ANKRD11: variants seen among roughly 807,000 people sequenced by gnomAD.
ANKRD11 encodes ankyrin repeat domain-containing protein 11.
In ANKRD11, 17 loss-of-function variants were observed where a neutral mutation model predicts 195.7. The observed-to-expected ratio is 0.09, with a 90% CI of 0.06 to 0.13. The LOEUF (loss-of-function observed/expected upper bound fraction) is 0.13, where lower values mean the gene tolerates loss of function less well. Among genes scored for constraint, ANKRD11 ranks in the 10% least tolerant of loss-of-function variants. ANKRD11 has a pLI of 1.00. For synonymous variants in ANKRD11, 1,953 were observed against 1,528.1 expected, an observed-to-expected ratio of 1.28 and a Z score of -6.49; for missense variants, 3,735 against 3,566.1, an observed-to-expected ratio of 1.05 and a Z score of -1.21.
chr16:89,302,796 C>T (rs2035937045), intron 4 of ANKRD11, among the ~76,000 whole-genome samples: 1 of 152,186 alleles, frequency 6.6e-6, no homozygotes, highest in African/African-American at 2.4e-5. Flanking sequence ...ACTGTTTTCC[C>T]ACCTCACAGG....
At position 89,290,648 on chromosome 16, in the gene ANKRD11, T is replaced by C. The variant is rs1399751146; in HGVS notation, c.578A>G (p.Asp193Gly). Residue 193 changes from aspartate to glycine, a missense_variant, in exon 6 of 13, where the codon GAC (aspartate) becomes GGC (glycine). Transcript: ENST00000301030. ...RIKELISEGA[D>G]VNVKDFAGWT... ...ACCTGCGAAGTCCTTGACGTTGACG[T>C]CTGCCCCCTCGCTGATGAGCTCTTT... 1 of 1,613,544 alleles carries C rather than the reference T, an allele frequency of 6.2e-7. No homozygotes were observed. The highest frequency in any genetic ancestry group is 8.5e-7 in the Non-Finnish European group (1 of 1,180,008).
chr16:89,348,448 C>G (rs2039047438), intron 2 of ANKRD11, among the ~76,000 whole-genome samples: 1 of 152,152 alleles, frequency 6.6e-6, no homozygotes, highest in Non-Finnish European at 1.5e-5. Context: ...ATTTTGGTAT[C>G]AAGGTGTCCC....
rs2057790879 is a variant in ANKRD11 at position 89,490,415 on chromosome 16, C to T, written c.-315G>A. 6.8e-6 allele frequency: 2 copies of T among 293,516 alleles called. No individual in the cohort carries two copies. The highest frequency in any genetic ancestry group is 5.3e-5 in the Admixed American group (1 of 19,006). 18.2% of individuals were successfully genotyped at this position (293,516 alleles called of 1,614,324 possible). On this transcript the variant is annotated 5_prime_UTR_variant, in exon 1 of 13. Coordinates refer to ENST00000301030, the MANE Select transcript of ANKRD11 (RefSeq NM_013275.6). ...CTGCGAGGGACGGCGGGAGGCGAGCCCGCCCCTCGGGCGCGCCCACGGCTC... is the reference window on the plus strand; with the variant it reads ...CTGCGAGGGACGGCGGGAGGCGAGCTCGCCCCTCGGGCGCGCCCACGGCTC...
intron 4 of ANKRD11, chr16:89,301,539 T>C: frequency 2.5e-6 from 1 of 398,642 alleles, no homozygotes; most frequent in Non-Finnish European, 4.4e-6. Context: ...TGGGCAGAGC[T>C]GTCTTGGGGC....
At chr16:89,359,972 G>C (rs139336512) in intron 2 of ANKRD11, among the ~76,000 whole-genome samples, 23 of 152,122 alleles carry the variant, frequency 1.5e-4, no homozygotes, top group Admixed American at 1.0e-3. Context: ...CAGTGGGCGG[G>C]GGGGGAGGTT....
chr16:89,409,155 T>A (rs2042021551), intron 2 of ANKRD11, among the ~76,000 whole-genome samples: 1 of 152,162 alleles, frequency 6.6e-6, no homozygotes, highest in Non-Finnish European at 1.5e-5. Flanking sequence ...AAAACAGATT[T>A]TTTAGGTGAA....
intron 11 of ANKRD11, chr16:89,272,548 A>T (rs1341377912): frequency 1.3e-5 from 2 of 152,176 alleles, no homozygotes; most frequent in Non-Finnish European, 2.9e-5. Context: ...CTAAAAATAC[A>T]AAAATTAGCC....
intron 2 of ANKRD11, among the ~76,000 whole-genome samples, chr16:89,376,272 G>A (rs2040419909): frequency 6.6e-6 from 1 of 152,206 alleles, no homozygotes; most frequent in African/African-American, 2.4e-5. Context: ...GAAGCAGCTG[G>A]AGAAGTGGAT....
At chr16:89,480,849 G>A (rs1049228365) in intron 1 of ANKRD11, among the ~76,000 whole-genome samples, 2 of 152,170 alleles carry the variant, frequency 1.3e-5, no homozygotes, top group African/African-American at 4.8e-5. Context: ...ACAAGGCTCC[G>A]TCCTGGGCTG....
intron 2 of ANKRD11, among the ~76,000 whole-genome samples, chr16:89,388,462 C>G (rs1369063586): frequency 2.0e-5 from 3 of 151,964 alleles, no homozygotes. Context: ...TCTTGAAAAT[C>G]GACACGGAAT....
At chr16:89,324,218 C>T in intron 2 of ANKRD11, 1 of 1,195,216 alleles carries the variant, frequency 8.4e-7, no homozygotes, top group Non-Finnish European at 1.1e-6. Flanking sequence ...CATTACTGGC[C>T]TCTGCTTTGC....
rs1458119570 is a variant in ANKRD11, at chr16:89,288,632, A to C, written c.640T>G (p.Tyr214Asp). The change falls in exon 7 of 13, where the codon TAC becomes GAC. Residue 214 changes from tyrosine (Y) to aspartate (D), a missense_variant. Physicochemically the swap from Tyr to Asp is radical, Grantham distance 160. Coordinates refer to ENST00000301030, the MANE Select transcript of ANKRD11 (RefSeq NM_013275.6). ...GCCAGCAGCTGCTTCGCGACGTCGT[A>C]GTAGCCCCGGTTACAGGCCTCGTGC... Reference protein sequence around the residue: ...ALHEACNRGYYDVAKQLLAAG... With the variant: ...ALHEACNRGYDDVAKQLLAAG... 3.7e-6 allele frequency: 6 copies of C among 1,614,108 alleles called. No homozygotes were observed. The highest frequency in any genetic ancestry group is 5.1e-6 in the Non-Finnish European group (6 of 1,180,032).
At chr16:89,326,878 C>G (rs936739759) in intron 2 of ANKRD11, among the ~76,000 whole-genome samples, 2 of 152,224 alleles carry the variant, frequency 1.3e-5, no homozygotes, top group East Asian at 1.9e-4. Context: ...TGGTGGCATC[C>G]GGGCACATCT....
intron 2 of ANKRD11, among the ~76,000 whole-genome samples, chr16:89,357,185 C>T (rs1448864474): frequency 2.6e-5 from 4 of 152,196 alleles, no homozygotes; most frequent in Admixed American, 2.6e-4. Flanking sequence ...TACAACACAC[C>T]TTCGAAGATG....
intron 2 of ANKRD11, among the ~76,000 whole-genome samples, chr16:89,351,048 C>T (rs1690045647): frequency 6.6e-6 from 1 of 152,210 alleles, no homozygotes; most frequent in South Asian, 2.1e-4. Flanking sequence ...TCTCAGGATG[C>T]ATCCCCCGAC....
intron 1 of ANKRD11, among the ~76,000 whole-genome samples, chr16:89,456,251 G>A (rs535442680): frequency 6.6e-6 from 1 of 151,124 alleles, no homozygotes; most frequent in Non-Finnish European, 1.5e-5. Flanking sequence ...AAAAAAAAAG[G>A]GGGGGTGGAA....
chr16:89,435,933 C>T (rs544760164), intron 1 of ANKRD11, among the ~76,000 whole-genome samples: 1 of 152,218 alleles, frequency 6.6e-6, no homozygotes, highest in South Asian at 2.1e-4. Context: ...TCTAAATCAC[C>T]GCAAGTTTCA....
At chr16:89,352,594 G>C (rs866676339) in intron 2 of ANKRD11, among the ~76,000 whole-genome samples, 3 of 152,190 alleles carry the variant, frequency 2.0e-5, no homozygotes, top group Admixed American at 6.5e-5. Flanking sequence ...GGCCCATCCA[G>C]ATCTCACACA....
chr16:89,367,364 C>CACCACTGCT (rs1157560990), intron 2 of ANKRD11, among the ~76,000 whole-genome samples: 3 of 152,244 alleles, frequency 2.0e-5, no homozygotes, highest in Non-Finnish European at 4.4e-5. Flanking sequence ...GCAGACCTCC[C>CACCACTGCT]ACCACTGCTT....
Sources: gnomAD v4.1 joint callset for allele counts (sites outside exome capture counted in the v4.1 genomes callset) on GRCh38, gnomAD v4.1.1 for gene constraint, MANE v1.5 for transcripts, NCBI Gene and HGNC (gene_info 2026-07-23, HGNC 2026-07-21) for gene names.